Variants in CNTN4 observed in about 807,000 individuals in gnomAD.
CNTN4 encodes the protein contactin 4.
Under a neutral mutation model 122.5 loss-of-function variants are expected in CNTN4, and 77 were observed. The ratio of observed to expected loss-of-function variants is 0.63; its 90% CI spans 0.52 to 0.76. CNTN4 has a LOEUF of 0.76. Among genes scored for constraint, CNTN4 ranks in the 30% least tolerant of loss-of-function variants. CNTN4 has a pLI of 0.00. For synonymous variants in CNTN4, 512 were observed against 447.0 expected (o/e 1.15, Z -1.83); for missense variants, 1,256 against 1,259.1 (o/e 1.00, Z 0.04).
At chr3:2,650,121 A>T (rs1228904920) in intron 4 of CNTN4, among the ~76,000 whole-genome samples, 1 of 149,764 alleles carries the variant, frequency 6.7e-6, no homozygotes, top group Non-Finnish European at 1.5e-5. Context: ...AAGGAAGGAA[A>T]TTTATAATTC....
intron 13 of CNTN4, chr3:2,927,332 C>G (rs1018130451): frequency 8.8e-6 from 4 of 455,910 alleles, no homozygotes; most frequent in African/African-American, 8.0e-5. Flanking sequence ...CTCTGCTCCT[C>G]TCTAAGGCCA....
chr3:2,550,392 A>G (rs1467113556), intron 3 of CNTN4, among the ~76,000 whole-genome samples: 2 of 152,344 alleles, frequency 1.3e-5, no homozygotes, highest in East Asian at 1.9e-4. Context: ...AATCAAAACC[A>G]CAGTGAGATA....
chr3:2,617,021 C>T (rs2081778063), intron 4 of CNTN4, among the ~76,000 whole-genome samples: 1 of 152,098 alleles, frequency 6.6e-6, no homozygotes, highest in African/African-American at 2.4e-5. Context: ...AGTGTAAAAA[C>T]CAACACCATC....
chr3:2,944,678 G>A (rs1577356899), intron 13 of CNTN4, among the ~76,000 whole-genome samples: 1 of 152,144 alleles, frequency 6.6e-6, no homozygotes, highest in Non-Finnish European at 1.5e-5. Flanking sequence ...GGCAACTGAA[G>A]TAAAAAATAA....
chr3:2,732,026 A>T (rs1423017344), intron 4 of CNTN4, among the ~76,000 whole-genome samples: 1 of 152,166 alleles, frequency 6.6e-6, no homozygotes, highest in African/African-American at 2.4e-5. Flanking sequence ...TCAGTTTTAT[A>T]ACTTTCTGTT....
chr3:2,983,700 A>G (rs1694275903), intron 13 of CNTN4, among the ~76,000 whole-genome samples: 1 of 152,234 alleles, frequency 6.6e-6, no homozygotes, highest in African/African-American at 2.4e-5. Context: ...CCAAAGTCAC[A>G]CAACTTCTAA....
chr3:2,872,331 G>A (rs757185576), intron 8 of CNTN4, among the ~76,000 whole-genome samples: 5 of 152,162 alleles, frequency 3.3e-5, no homozygotes, highest in Admixed American at 6.5e-5. Flanking sequence ...GATAATGTCT[G>A]TTACACTGTT....
intron 2 of CNTN4, among the ~76,000 whole-genome samples, chr3:2,134,769 A>G (rs2034607955): frequency 6.6e-6 from 1 of 152,210 alleles, no homozygotes; most frequent in Non-Finnish European, 1.5e-5. Context: ...AACAGAACAT[A>G]TATGATGGCC....
intron 4 of CNTN4, among the ~76,000 whole-genome samples, chr3:2,670,760 C>T (rs1459128714): frequency 6.6e-6 from 1 of 152,152 alleles, no homozygotes; most frequent in Non-Finnish European, 1.5e-5. Context: ...TTTAGTGCTT[C>T]CTTCAGGAGC....
chr3:2,930,517 C>G (rs1488772615), intron 13 of CNTN4, among the ~76,000 whole-genome samples: 1 of 152,220 alleles, frequency 6.6e-6, no homozygotes, highest in Non-Finnish European at 1.5e-5. Context: ...TAAACTGTCA[C>G]TCTCATTAAT....
chr3:2,851,180 G>T (rs141099865), intron 7 of CNTN4, among the ~76,000 whole-genome samples: 2,277 of 152,322 alleles, frequency 0.015, 23 homozygotes, highest in Non-Finnish European at 0.025. Flanking sequence ...CGAATATACA[G>T]TTGCAAGTGT....
At chr3:2,610,423 C>T (rs2081429987) in intron 4 of CNTN4, among the ~76,000 whole-genome samples, 2 of 152,080 alleles carry the variant, frequency 1.3e-5, no homozygotes, top group Non-Finnish European at 2.9e-5. Context: ...ACTTTAAGCC[C>T]GTGGCCTTCT....
intron 3 of CNTN4, among the ~76,000 whole-genome samples, chr3:2,488,770 C>T (rs1019124122): frequency 1.3e-5 from 2 of 152,142 alleles, no homozygotes; most frequent in African/African-American, 2.4e-5. Context: ...ACTTTCAAAG[C>T]TTGTGTAGTA....
At chr3:2,191,118 TG>T (rs1559328139) in intron 2 of CNTN4, among the ~76,000 whole-genome samples, 1 of 152,078 alleles carries the variant, frequency 6.6e-6, no homozygotes, top group Admixed American at 6.6e-5. Context: ...TTTGAAGAGA[TG>T]GGGTCTGTCT....
At chr3:2,352,422 C>T (rs890565723) in intron 3 of CNTN4, among the ~76,000 whole-genome samples, 8 of 152,100 alleles carry the variant, frequency 5.3e-5, no homozygotes, top group Admixed American at 2.0e-4. Flanking sequence ...ACCAGGGCTG[C>T]GCAGCGCTCG....
intron 4 of CNTN4, among the ~76,000 whole-genome samples, chr3:2,642,398 C>T (rs971321720): frequency 1.3e-5 from 2 of 152,166 alleles, no homozygotes; most frequent in Non-Finnish European, 2.9e-5. Context: ...TCTCCTTTGG[C>T]AACACCCTCA....
At chr3:2,526,316 C>A (rs188265755) in intron 3 of CNTN4, among the ~76,000 whole-genome samples, 1 of 152,150 alleles carries the variant, frequency 6.6e-6, no homozygotes, top group Non-Finnish European at 1.5e-5. Context: ...GGTATTTCTG[C>A]AGTGTATCAG....
chr3:2,529,797 A>T (rs1167126956), intron 3 of CNTN4, among the ~76,000 whole-genome samples: 1 of 152,058 alleles, frequency 6.6e-6, no homozygotes, highest in Non-Finnish European at 1.5e-5. Context: ...GAGGAGGAGA[A>T]GGAAGAGGAG....
intron 2 of CNTN4, among the ~76,000 whole-genome samples, chr3:2,322,880 A>T (rs1467343338): frequency 6.6e-6 from 1 of 152,154 alleles, no homozygotes; most frequent in Non-Finnish European, 1.5e-5. Flanking sequence ...TTCCTATTTA[A>T]CATTCTAAGA....
Sources: allele counts gnomAD v4.1 joint callset (sites outside exome capture counted in the v4.1 genomes callset), GRCh38; gene constraint gnomAD v4.1.1; transcripts MANE v1.5; gene names NCBI Gene and HGNC (gene_info 2026-07-23, HGNC 2026-07-21).